The following DNAAF9 variants were observed in gnomAD, a reference collection of about 807,000 sequenced individuals.
DNAAF9 encodes the protein shulin.
DNAAF9 carries 90 observed loss-of-function variants against 167.0 expected under a neutral mutation model. The observed-to-expected ratio is 0.54, with a 90% confidence interval of 0.45 to 0.64. The LOEUF is 0.64. Among genes scored for constraint, DNAAF9 ranks in the 30% least tolerant of loss-of-function variants. The pLI is 0.00. For synonymous variants in DNAAF9, 491 were observed against 508.8 expected, an observed-to-expected ratio of 0.96 and a Z score of 0.47; for missense variants, 1,315 against 1,442.2, an observed-to-expected ratio of 0.91 and a Z score of 1.43.
intron 1 of DNAAF9, among the ~76,000 whole-genome samples, chr20:3,406,758 A>G (rs1049812656): frequency 1.3e-5 from 2 of 151,908 alleles, no homozygotes; most frequent in East Asian, 1.9e-4. Context: ...TCTTTCCCCT[A>G]TTTATCCAGT....
chr20:3,397,711 AT>A (rs113773078), intron 1 of DNAAF9, among the ~76,000 whole-genome samples: 16,706 of 88,722 alleles, frequency 0.19, 1,091 homozygotes, highest in African/African-American at 0.28. Context: ...TTTTAAGCAG[AT>A]TTTTTTTGGG....
chr20:3,326,596 T>G (rs6051745), intron 12 of DNAAF9, among the ~76,000 whole-genome samples: 29,890 of 151,584 alleles, frequency 0.2, 3,157 homozygotes, highest in African/African-American at 0.25. Flanking sequence ...AAAAATAAAA[T>G]TATCCAGAAA....
chr20:3,401,502 T>A (rs1026930819), intron 1 of DNAAF9, among the ~76,000 whole-genome samples: 14 of 152,196 alleles, frequency 9.2e-5, no homozygotes, highest in African/African-American at 3.4e-4. Context: ...ACCCGGCTGA[T>A]GAACCACTTT....
intron 1 of DNAAF9, 66 bp from the exon 2 acceptor site, chr20:3,382,572 G>T: frequency 2.4e-6 from 3 of 1,242,584 alleles, no homozygotes; most frequent in African/African-American, 1.5e-5. Context: ...GCAGCATCCT[G>T]TGTCCCACAA....
At chr20:3,355,459 C>T (rs542631529) in intron 7 of DNAAF9, among the ~76,000 whole-genome samples, 2 of 151,932 alleles carry the variant, frequency 1.3e-5, no homozygotes, top group East Asian at 1.9e-4. Context: ...CCTGTAGTCC[C>T]GGCTACTCAG....
chr20:3,262,965 C>CTTT lies in DNAAF9; in HGVS notation c.2873+1470_2873+1472dup, dbSNP rs796491974. ...TTTTGTTTTTTACAGCATAGCAGAT[C>CTTT]TTTTTTTTTTTTTTTTTTTTTTTTT... is the stretch of plus-strand genomic sequence containing the variant. On this transcript the variant is annotated intron_variant, in intron 31 of 36. Transcript: ENST00000252032. 5.3e-4 allele frequency among the ~76,000 whole-genome samples: 43 copies of CTTT among 81,290 alleles called. 1 individual carries two copies. Among genetic ancestry groups the CTTT allele is most frequent in the Non-Finnish European group, 6.2e-4 (26 of 41,866 alleles). The allele number at this position is 81,290 out of a possible 152,430, so 53.3% of individuals were successfully genotyped here.
At chr20:3,363,187 C>T in intron 6 of DNAAF9, among the ~76,000 whole-genome samples, 1 of 151,088 alleles carries the variant, frequency 6.6e-6, no homozygotes, top group Non-Finnish European at 1.5e-5. Context: ...CAAGATCGTG[C>T]CATTGCTCTC....
intron 1 of DNAAF9, among the ~76,000 whole-genome samples, chr20:3,405,063 A>G (rs2084037690): frequency 6.6e-6 from 1 of 152,236 alleles, no homozygotes; most frequent in Non-Finnish European, 1.5e-5. Context: ...AAGGCTACAC[A>G]GTATTCCCAC....
intron 1 of DNAAF9, among the ~76,000 whole-genome samples, chr20:3,390,798 A>G: frequency 6.6e-6 from 1 of 152,222 alleles, no homozygotes. Context: ...TTTCTGGGCA[A>G]TGAAGATTGC....
At chr20:3,313,783 C>G (rs964328896) in intron 20 of DNAAF9, among the ~76,000 whole-genome samples, 1 of 152,148 alleles carries the variant, frequency 6.6e-6, no homozygotes, top group African/African-American at 2.4e-5. Context: ...CAGCTACAAA[C>G]AAAGTACTAC....
chr20:3,276,374 A>G lies in DNAAF9; in HGVS notation c.2650+2538T>C, dbSNP rs142799660. ...TGAGCCCCTTGGAGGAGTTCCGAAA[A>G]CAGCATATGTGGCCTGAAGGTGATC... On this transcript the variant is annotated intron_variant, in intron 29 of 36. Transcript: ENST00000252032. 2.6e-3 allele frequency among the ~76,000 whole-genome samples: 395 copies of G among 152,250 alleles called. 4 individuals are homozygous for G. Among genetic ancestry groups the G allele is most frequent in the East Asian group, 0.017 (89 of 5,182 alleles).
chr20:3,396,690 C>T (rs1173764273), intron 1 of DNAAF9, among the ~76,000 whole-genome samples: 1 of 151,848 alleles, frequency 6.6e-6, no homozygotes, highest in African/African-American at 2.4e-5. Flanking sequence ...GGGCAAAGGC[C>T]CTGAAGGGAG....
At chr20:3,320,068 G>C (rs1221442559) in intron 16 of DNAAF9, among the ~76,000 whole-genome samples, 3 of 152,142 alleles carry the variant, frequency 2.0e-5, no homozygotes, top group Admixed American at 2.0e-4. Flanking sequence ...ATATTAAAAA[G>C]ATAACATGTA....
In DNAAF9 at chr20:3,383,271, C is replaced by CTTTTTTT. The variant is rs11087581; in HGVS notation, c.84-772_84-766dup. Among the ~76,000 whole-genome samples, 164 of 114,352 alleles carry CTTTTTTT rather than the reference C, an allele frequency of 1.4e-3. 3 individuals are homozygous for CTTTTTTT. The highest frequency in any genetic ancestry group is 4.9e-3 in the African/African-American group (143 of 29,016). The allele number at this position is 114,352 out of a possible 152,430, so 75.0% of individuals were successfully genotyped here. A position where few individuals can be genotyped will look rare whatever the true frequency, so the allele number is the denominator to read the frequency against. ...TGCCTCTAATACTCATTCCCTAACACTTTTTTTTTTTTTTTTTTTTGAGAT... is the reference window on the plus strand; with the variant it reads ...TGCCTCTAATACTCATTCCCTAACACTTTTTTTTTTTTTTTTTTTTTTTTTTTGAGAT... On this transcript the variant is annotated intron_variant, in intron 1 of 36. Coordinates refer to ENST00000252032, the MANE Select transcript of DNAAF9 (RefSeq NM_001009984.3).
At chr20:3,287,335 T>C (rs1310597851) in intron 27 of DNAAF9, among the ~76,000 whole-genome samples, 1 of 152,196 alleles carries the variant, frequency 6.6e-6, no homozygotes, top group Non-Finnish European at 1.5e-5. Flanking sequence ...AATGAAGACT[T>C]AGGGACCACT....
chr20:3,402,618 C>T (rs1017565094), intron 1 of DNAAF9, among the ~76,000 whole-genome samples: 3 of 151,940 alleles, frequency 2.0e-5, no homozygotes, highest in African/African-American at 7.3e-5. Flanking sequence ...CACTCTGTTG[C>T]CCAGGCTGGA....
chr20:3,371,189 CT>C (rs1435281745), intron 6 of DNAAF9, among the ~76,000 whole-genome samples: 1 of 149,782 alleles, frequency 6.7e-6, no homozygotes, highest in African/African-American at 2.5e-5. Context: ...TTCCTACAAT[CT>C]TTTCTTATAT....
intron 12 of DNAAF9, among the ~76,000 whole-genome samples, chr20:3,327,771 T>C (rs2069738529): frequency 6.6e-6 from 1 of 152,222 alleles, no homozygotes; most frequent in South Asian, 2.1e-4. Context: ...TTTTCCACTG[T>C]GCCACATCAC....
At chr20:3,297,814 C>T (rs2069108010) in intron 22 of DNAAF9, among the ~76,000 whole-genome samples, 1 of 152,100 alleles carries the variant, frequency 6.6e-6, no homozygotes, top group Non-Finnish European at 1.5e-5. Context: ...AGGCTAAAAA[C>T]CCTCTTGTTC....
Sources: allele counts gnomAD v4.1 joint callset (sites outside exome capture counted in the v4.1 genomes callset), GRCh38; gene constraint gnomAD v4.1.1; transcripts MANE v1.5; gene names NCBI Gene and HGNC (gene_info 2026-07-23, HGNC 2026-07-21).